DGKB: variants seen among roughly 807,000 people sequenced by gnomAD.
DGKB encodes the protein 90 kDa diacylglycerol kinase.
A neutral mutation model predicts 114.3 loss-of-function variants in DGKB; 67 were observed. The ratio of observed to expected loss-of-function variants is 0.59; its 90% CI spans 0.48 to 0.72. DGKB has a LOEUF of 0.72. Among genes scored for constraint, DGKB ranks in the 30% least tolerant of loss-of-function variants. The pLI is 0.00. For synonymous variants in DGKB, 398 were observed against 323.1 expected, an observed-to-expected ratio of 1.23 and a Z score of -2.49; for missense variants, 907 against 975.2, an observed-to-expected ratio of 0.93 and a Z score of 0.93.
chr7:14,663,610 T>TTCCCTTCCTCCCGTCC (rs1817528478), intron 13 of DGKB, among the ~76,000 whole-genome samples: 1 of 116,304 alleles, frequency 8.6e-6, no homozygotes, highest in Admixed American at 9.5e-5. Context: ...TTCTTTTCTT[T>TTCCCTTCCTCCCGTCC]TCCCTTCCTC....
upstream of DGKB, among the ~76,000 whole-genome samples, chr7:14,905,249 T>G (rs796311309): frequency 2.6e-5 from 3 of 115,170 alleles, no homozygotes; most frequent in African/African-American, 8.9e-5. Context: ...TGTTAGTTTT[T>G]TTTTTTTTTT....
chr7:14,605,843 C>T (rs1804405519), intron 17 of DGKB, among the ~76,000 whole-genome samples: 1 of 152,090 alleles, frequency 6.6e-6, no homozygotes, highest in African/African-American at 2.4e-5. Flanking sequence ...ACATGCTATG[C>T]AGTAAGTACA....
intron 17 of DGKB, among the ~76,000 whole-genome samples, chr7:14,605,470 G>A (rs1052098477): frequency 4.6e-5 from 7 of 151,188 alleles, no homozygotes; most frequent in African/African-American, 1.7e-4. Context: ...AGATTGGGAA[G>A]CTACAGCAAA....
At chr7:14,600,289 T>C (rs1043160162) in intron 17 of DGKB, among the ~76,000 whole-genome samples, 5 of 152,192 alleles carry the variant, frequency 3.3e-5, no homozygotes, top group African/African-American at 1.2e-4. Flanking sequence ...ATTTGCTCAT[T>C]GCTCCACCTC....
At chr7:14,486,168 C>A (rs1406100229) in intron 20 of DGKB, among the ~76,000 whole-genome samples, 1 of 152,086 alleles carries the variant, frequency 6.6e-6, no homozygotes, top group Non-Finnish European at 1.5e-5. Flanking sequence ...ATAAGGCCTG[C>A]CTTACTTCAG....
At chr7:14,739,524 T>C (rs991082483) in intron 4 of DGKB, among the ~76,000 whole-genome samples, 10 of 152,198 alleles carry the variant, frequency 6.6e-5, no homozygotes, top group Non-Finnish European at 1.5e-4. Flanking sequence ...ACTTCCACCC[T>C]CTTTACCCTT....
At position 14,898,230 on chromosome 7, in the gene DGKB, T is replaced by C. The variant is rs190929565; in HGVS notation, c.-188+4362A>G. ...GCAGAGGAGTTTGGGTGTCCAAAAG[T>C]AAATTACAGAGAGCCAAATGTAAGC... On this transcript the variant is annotated intron_variant, in intron 1 of 25. Coordinates refer to ENST00000402815, the MANE Select transcript of DGKB (RefSeq NM_001350709.2). 2.0e-5 allele frequency among the ~76,000 whole-genome samples: 3 copies of C among 152,060 alleles called. No homozygotes were observed. In the East Asian group the frequency reaches 5.8e-4, roughly 29 times the overall value.
intron 12 of DGKB, among the ~76,000 whole-genome samples, chr7:14,678,621 T>C (rs1283030466): frequency 1.3e-5 from 2 of 152,032 alleles, no homozygotes; most frequent in Non-Finnish European, 2.9e-5. Context: ...GCAAGGGGTG[T>C]TGAGGGCTGC....
intron 23 of DGKB, among the ~76,000 whole-genome samples, chr7:14,337,283 CT>C (rs1810852352): frequency 6.6e-6 from 1 of 151,948 alleles, no homozygotes; most frequent in Non-Finnish European, 1.5e-5. Context: ...CTATATATTT[CT>C]CCTTCAAAAT....
chr7:14,560,108 T>A (rs1796440473), intron 20 of DGKB, among the ~76,000 whole-genome samples: 2 of 152,148 alleles, frequency 1.3e-5, no homozygotes, highest in Admixed American at 1.3e-4. Flanking sequence ...ATTTTGGCGA[T>A]TAACCCTTGT....
intron 23 of DGKB, among the ~76,000 whole-genome samples, chr7:14,250,690 T>A (rs1795104944): frequency 6.6e-6 from 1 of 152,164 alleles, no homozygotes; most frequent in Admixed American, 6.5e-5. Context: ...GCCCACTGTT[T>A]CCTTATTGAT....
intron 9 of DGKB, among the ~76,000 whole-genome samples, chr7:14,692,982 C>T (rs1823144535): frequency 1.3e-5 from 2 of 152,092 alleles, no homozygotes; most frequent in South Asian, 4.1e-4. Flanking sequence ...TATGTGCCAA[C>T]ATATTTTTAT....
At chr7:14,860,558 T>C (rs1260965991) in intron 1 of DGKB, among the ~76,000 whole-genome samples, 1 of 151,960 alleles carries the variant, frequency 6.6e-6, no homozygotes, top group Non-Finnish European at 1.5e-5. Context: ...TATGCTCCAT[T>C]CTGTTTTTGT....
intron 23 of DGKB, among the ~76,000 whole-genome samples, chr7:14,314,837 C>A (rs1350403274): frequency 6.6e-6 from 1 of 151,598 alleles, no homozygotes. Flanking sequence ...TTGTCAGATT[C>A]ACCAAAGATG....
At chr7:14,300,736 T>A (rs1803399944) in intron 23 of DGKB, among the ~76,000 whole-genome samples, 1 of 152,150 alleles carries the variant, frequency 6.6e-6, no homozygotes, top group Non-Finnish European at 1.5e-5. Flanking sequence ...TTAACAAGTG[T>A]ATCGTTCACA....
intron 13 of DGKB, among the ~76,000 whole-genome samples, chr7:14,644,816 T>G (rs890480619): frequency 6.6e-6 from 1 of 152,156 alleles, no homozygotes; most frequent in African/African-American, 2.4e-5. Context: ...TCCTATGTCT[T>G]GGGAGATAAA....
At chr7:14,640,050 T>A (rs1383905983) in intron 13 of DGKB, among the ~76,000 whole-genome samples, 1 of 152,052 alleles carries the variant, frequency 6.6e-6, no homozygotes, top group African/African-American at 2.4e-5. Flanking sequence ...GGAAATAGAA[T>A]TGCACAGGAG....
intron 20 of DGKB, among the ~76,000 whole-genome samples, chr7:14,502,296 G>C (rs943278117): frequency 1.1e-4 from 17 of 151,962 alleles, no homozygotes; most frequent in Admixed American, 1.0e-3. Context: ...AGAGAAGTCA[G>C]GTAGAACCAA....
intron 20 of DGKB, among the ~76,000 whole-genome samples, chr7:14,500,978 A>C (rs987073996): frequency 1.1e-4 from 16 of 152,082 alleles, no homozygotes; most frequent in Admixed American, 2.6e-4. Context: ...AAACGGGACA[A>C]GAATAAAGGA....
Sources: gnomAD v4.1 joint callset for allele counts (sites outside exome capture counted in the v4.1 genomes callset) on GRCh38, gnomAD v4.1.1 for gene constraint, MANE v1.5 for transcripts, NCBI Gene and HGNC (gene_info 2026-07-23, HGNC 2026-07-21) for gene names.